The following WWP2 variants were observed in gnomAD, a reference collection of about 807,000 sequenced individuals.
WWP2 encodes the protein WW domain containing E3 ubiquitin protein ligase 2.
Under a neutral mutation model 121.0 loss-of-function variants are expected in WWP2, and 57 were observed. The ratio of observed to expected loss-of-function variants is 0.47; its 90% CI spans 0.38 to 0.59. The LOEUF (loss-of-function observed/expected upper bound fraction) is 0.59, where lower values mean the gene tolerates loss of function less well. Among genes scored for constraint, WWP2 ranks in the 20% least tolerant of loss-of-function variants. WWP2 has a pLI of 0.00. For missense variants in WWP2, 962 were observed against 1,158.9 expected, an observed-to-expected ratio of 0.83 and a Z score of 2.47; for synonymous variants, 449 against 441.3, an observed-to-expected ratio of 1.02 and a Z score of -0.22.
intron 7 of WWP2, among the ~76,000 whole-genome samples, chr16:69,881,136 T>C (rs1308099239): frequency 6.6e-6 from 1 of 152,214 alleles, no homozygotes; most frequent in Non-Finnish European, 1.5e-5. Flanking sequence ...ATCTTACTGC[T>C]TACCATTTGG....
At position 69,937,538 on chromosome 16, in the gene WWP2, C is replaced by G; in HGVS notation, c.2239-10C>G. ...ACCTGCCGGGGATGCTGACTGCCGC[C>G]TCTCCCCAGCTGATGCTGTGCGGCA... On this transcript the variant is annotated splice_polypyrimidine_tract_variant and intron_variant, in intron 20 of 23. Transcript: ENST00000359154. The surrounding 1 kb of genome is among the most constrained non-coding windows in gnomAD (Gnocchi z 6.6). 6.2e-7 allele frequency: 1 copy of G among 1,613,848 alleles called. No individual in the cohort carries two copies. The highest frequency in any genetic ancestry group is 8.5e-7 in the Non-Finnish European group (1 of 1,179,940).
intron 6 of WWP2, among the ~76,000 whole-genome samples, chr16:69,850,256 G>T (rs547702055): frequency 6.6e-6 from 1 of 151,928 alleles, no homozygotes; most frequent in Non-Finnish European, 1.5e-5. Context: ...GCGTGGTGGT[G>T]TGCGCCTGTA....
intron 4 of WWP2, among the ~76,000 whole-genome samples, chr16:69,825,546 TGAG>T (rs1241268731): frequency 1.3e-5 from 2 of 151,954 alleles, no homozygotes; most frequent in Non-Finnish European, 2.9e-5. Flanking sequence ...ATTTTTTTGA[TGAG>T]CACATTATTT....
At position 69,799,382 on chromosome 16, in the gene WWP2, A is replaced by T; in HGVS notation, c.340+87A>T. 1 of 1,527,074 alleles carries T rather than the reference A, an allele frequency of 6.5e-7. No individual in the cohort carries two copies. Among genetic ancestry groups the T allele is most frequent in the Admixed American group, 2.0e-5 (1 of 48,874 alleles). 94.6% of individuals were successfully genotyped at this position (1,527,074 alleles called of 1,614,324 possible). On this transcript the variant is annotated intron_variant, in intron 4 of 23. Coordinates refer to ENST00000359154, the MANE Select transcript of WWP2 (RefSeq NM_001270454.2). The surrounding 1 kb of genome is among the most constrained non-coding windows in gnomAD (Gnocchi z 4.5). ...TCAACCTGGTATTGCAATTTCCCCC[A>T]GGACTAGGGGCTGCAGTACCTCTGT...
At chr16:69,897,105 T>C (rs547696204) in intron 8 of WWP2, among the ~76,000 whole-genome samples, 5,291 of 151,882 alleles carry the variant, frequency 0.035, 257 homozygotes, top group African/African-American at 0.11. Context: ...TTTTTTTTTT[T>C]GTTTGTGTGT....
Position 69,936,442 on chromosome 16 carries a change from G to C in WWP2, c.2107G>C (p.Glu703Gln). ...SIRVTEENKEEYIMLLTDWRF... is the reference protein window; with the variant it reads ...SIRVTEENKEQYIMLLTDWRF... The stretch of plus-strand genomic sequence containing the variant: ...CCGGGTCACAGAGGAGAACAAGGAA[G>C]AGTACATCATGTGAGTCTCAGGCGC... The change falls in exon 19 of 24, where the codon GAG becomes CAG. Residue 703 changes from glutamate to glutamine, a missense_variant. Glu to Gln is a conservative substitution (Grantham distance 29). Coordinates refer to ENST00000359154, the MANE Select transcript of WWP2 (RefSeq NM_001270454.2). 1 of 1,614,082 alleles carries C rather than the reference G, an allele frequency of 6.2e-7. No homozygotes were observed. The highest frequency in any genetic ancestry group is 8.5e-7 in the Non-Finnish European group (1 of 1,180,032).
chr16:69,914,479 C>A (rs945497647), intron 9 of WWP2, among the ~76,000 whole-genome samples: 1 of 152,150 alleles, frequency 6.6e-6, no homozygotes, highest in South Asian at 2.1e-4. Flanking sequence ...GATTTCCTGC[C>A]GGGCACAGTG....
chr16:69,872,520 A>G (rs1406534961), intron 7 of WWP2, among the ~76,000 whole-genome samples: 1 of 152,162 alleles, frequency 6.6e-6, no homozygotes, highest in African/African-American at 2.4e-5. Flanking sequence ...TAGCCTTTCT[A>G]TTCATTTCTT....
intron 4 of WWP2, among the ~76,000 whole-genome samples, chr16:69,836,715 A>G (rs1048948140): frequency 6.6e-6 from 1 of 152,148 alleles, no homozygotes; most frequent in African/African-American, 2.4e-5. Context: ...CCCAGGCTCA[A>G]GTAATCCTCC....
intron 2 of WWP2, among the ~76,000 whole-genome samples, chr16:69,795,543 TAGAAC>T (rs1567669809): frequency 6.7e-6 from 1 of 150,092 alleles, no homozygotes; most frequent in African/African-American, 2.5e-5. Context: ...TATAGACACA[TAGAAC>T]AGAAAGCAAA....
intron 6 of WWP2, 83 bp downstream of exon 6, chr16:69,842,203 T>A: frequency 1.5e-6 from 2 of 1,340,398 alleles, no homozygotes. Flanking sequence ...CGGGGAACAT[T>A]TTATGGTAGA....
intron 1 of WWP2, among the ~76,000 whole-genome samples, chr16:69,763,843 A>C (rs1341167642): frequency 6.6e-6 from 1 of 152,232 alleles, no homozygotes; most frequent in African/African-American, 2.4e-5. Context: ...CACCGGCGTA[A>C]GTGGTGACAA....
At chr16:69,917,950 G>T in intron 10 of WWP2, 67 bp downstream of exon 10, 1 of 1,555,236 alleles carries the variant, frequency 6.4e-7, no homozygotes, top group South Asian at 1.2e-5. Context: ...GCAGCCACGT[G>T]TTCTCTGTTG....
chr16:69,797,751 C>T (rs147923466), intron 2 of WWP2, among the ~76,000 whole-genome samples: 8,887 of 151,860 alleles, frequency 0.059, 853 homozygotes, highest in African/African-American at 0.2. Flanking sequence ...TAGCCAGGCA[C>T]GGTGGCGGGC....
chr16:69,882,367 C>G (rs564536437), intron 7 of WWP2, among the ~76,000 whole-genome samples: 1 of 151,968 alleles, frequency 6.6e-6, no homozygotes, highest in Admixed American at 6.6e-5. Flanking sequence ...TTTCTTTTCC[C>G]TTTGAAACTC....
chr16:69,827,043 T>G (rs777919781), intron 4 of WWP2, among the ~76,000 whole-genome samples: 5 of 152,078 alleles, frequency 3.3e-5, no homozygotes, highest in Non-Finnish European at 7.4e-5. Context: ...TCCTTCATCT[T>G]TAGCTCCCAT....
intron 4 of WWP2, among the ~76,000 whole-genome samples, chr16:69,838,172 G>A (rs895166775): frequency 6.6e-6 from 1 of 152,134 alleles, no homozygotes; most frequent in African/African-American, 2.4e-5. Flanking sequence ...TGATAAAAAT[G>A]ACAGCTTATT....
chr16:69,921,235 CTT>C (rs931984878), intron 10 of WWP2, among the ~76,000 whole-genome samples: 1 of 152,256 alleles, frequency 6.6e-6, no homozygotes, highest in African/African-American at 2.4e-5. Context: ...GTTTTCTCCT[CTT>C]GTTTGCTATG....
chr16:69,930,133 G>A lies in WWP2; in HGVS notation c.1320G>A (p.Met440Ile). The A allele has an allele frequency of 6.2e-7, 1 of 1,614,018 alleles. No homozygotes were observed. Among genetic ancestry groups the A allele is most frequent in the Non-Finnish European group, 8.5e-7 (1 of 1,179,944 alleles). ...TQWEDPRTQG[M>I]IQEPALPPGW... ...CCTTTTCTTCCCGTGTTTCCAGGAT[G>A]ATCCAGGAACCAGCTCTGCCCCCAG... The change falls in exon 13 of 24, where the codon ATG becomes ATA. Residue 440 changes from methionine to isoleucine, a missense_variant. Transcript: ENST00000359154.
Sources: gnomAD v4.1 joint callset for allele counts (sites outside exome capture counted in the v4.1 genomes callset) on GRCh38, gnomAD v4.1.1 for gene constraint, Gnocchi (gnomAD v3.1) non-coding constraint, MANE v1.5 for transcripts, NCBI Gene and HGNC (gene_info 2026-07-23, HGNC 2026-07-21) for gene names.